EIF2AK1: variants seen among roughly 807,000 people sequenced by gnomAD.
The protein encoded by EIF2AK1 is eukaryotic translation initiation factor 2-alpha kinase 1.
In EIF2AK1, 54 loss-of-function variants were observed where a neutral mutation model predicts 77.9. The observed-to-expected ratio is 0.69, with a 90% CI of 0.56 to 0.87. The LOEUF is 0.87. Ranked by LOEUF, EIF2AK1 falls within the 40% of genes least tolerant of loss-of-function variation. The pLI, the probability that EIF2AK1 is intolerant of heterozygous loss-of-function variation, is 0.00. For missense variants in EIF2AK1, 810 were observed against 768.6 expected (o/e 1.05, Z -0.64); for synonymous variants, 314 against 290.5 (o/e 1.08, Z -0.82).
At chr7:6,043,753 T>C (rs1788364553) in intron 7 of EIF2AK1, among the ~76,000 whole-genome samples, 1 of 151,602 alleles carries the variant, frequency 6.6e-6, no homozygotes, top group Non-Finnish European at 1.5e-5. Context: ...AAAGCAGCCA[T>C]AGACAATATA....
intron 2 of EIF2AK1, among the ~76,000 whole-genome samples, chr7:6,053,150 C>T (rs765399641): frequency 3.4e-4 from 52 of 152,028 alleles, no homozygotes; most frequent in African/African-American, 3.9e-4. Flanking sequence ...GTATACCAGA[C>T]GCTTTCCAGA....
At chr7:6,049,341 A>G (rs556062557) in intron 3 of EIF2AK1, among the ~76,000 whole-genome samples, 1 of 152,320 alleles carries the variant, frequency 6.6e-6, no homozygotes, top group East Asian at 1.9e-4. Context: ...CAGGAGTTCG[A>G]GACCAGCCTG....
At chr7:6,054,516 A>G (rs1788696135) in intron 2 of EIF2AK1, 30 bp downstream of exon 2, 2 of 1,611,274 alleles carry the variant, frequency 1.2e-6, no homozygotes, top group Admixed American at 3.3e-5. Context: ...TACAAGCTTT[A>G]TTTAGCAAGA....
Position 6,059,098 on chromosome 7 carries a change from G to C in EIF2AK1, c.-15C>G. ...CCCCCCTGCATCGCCGGCCGCGCGC[G>C]GGCCGCAGCCCAGCCCGCCGGCCAG... On this transcript the variant is annotated 5_prime_UTR_variant, in exon 1 of 15. Coordinates refer to ENST00000199389, the MANE Select transcript of EIF2AK1 (RefSeq NM_014413.4). The C allele has an allele frequency of 5.1e-6, 7 of 1,368,744 alleles. No homozygotes were observed. The highest frequency in any genetic ancestry group is 6.6e-6 in the Non-Finnish European group (7 of 1,066,282). The allele number at this position is 1,368,744 out of a possible 1,614,324, so 84.8% of individuals were successfully genotyped here. A position where few individuals can be genotyped will look rare whatever the true frequency, so the allele number is the denominator to read the frequency against.
At position 6,035,128 on chromosome 7, in the gene EIF2AK1, G is replaced by C. The variant is rs1358478269; in HGVS notation, c.1332+2296C>G. Among the ~76,000 whole-genome samples, 1 of 151,988 alleles carries C rather than the reference G, an allele frequency of 6.6e-6. No homozygotes were observed. The highest frequency in any genetic ancestry group is 1.5e-5 in the Non-Finnish European group (1 of 68,026). ...CACAGCCCTAGCGGGGACGGCACAG[G>C]TAAAACAGGCTGCTCCAAGAAGCTG... On this transcript the variant is annotated intron_variant, in intron 11 of 14. Transcript: ENST00000199389. The surrounding 1 kb of genome is among the most constrained non-coding windows in gnomAD (Gnocchi z 5.5).
At chr7:6,058,567 C>T (rs1417443580) in intron 1 of EIF2AK1, among the ~76,000 whole-genome samples, 1 of 152,212 alleles carries the variant, frequency 6.6e-6, no homozygotes, top group Non-Finnish European at 1.5e-5. Flanking sequence ...CAAATTACAA[C>T]TCTTAACCCA....
chr7:6,038,535 C>T, intron 10 of EIF2AK1, 25 bp downstream of exon 10: 1 of 1,585,136 alleles, frequency 6.3e-7, no homozygotes, highest in Non-Finnish European at 8.6e-7. Context: ...TATTTCCCGG[C>T]CCGGCAGACC....
chr7:6,028,551 C>A (rs1787815281), intron 13 of EIF2AK1, 64 bp downstream of exon 13: 1 of 1,539,610 alleles, frequency 6.5e-7, no homozygotes, highest in East Asian at 2.3e-5. Flanking sequence ...TGCACCCAAC[C>A]CTGTATTGTT....
chr7:6,023,004 C>T lies in EIF2AK1; in HGVS notation c.*1669G>A, dbSNP rs769894825. ...GCTCCTGGGTTTCCAGCCCTCAGCC[C>T]CCAAAACCTTAGGCAGCAGGGATTG... On this transcript the variant is annotated 3_prime_UTR_variant, in exon 15 of 15. Coordinates refer to ENST00000199389, the MANE Select transcript of EIF2AK1 (RefSeq NM_014413.4). The T allele has an allele frequency of 2.1e-4, 64 of 300,782 alleles. No homozygotes were observed. Among genetic ancestry groups the T allele is most frequent in the Non-Finnish European group, 3.7e-4 (60 of 163,038 alleles). The allele number at this position is 300,782 out of a possible 1,614,324, so 18.6% of individuals were successfully genotyped here. A position where few individuals can be genotyped will look rare whatever the true frequency, so the allele number is the denominator to read the frequency against.
Position 6,041,139 on chromosome 7 carries a change from C to G in EIF2AK1, c.872G>C (p.Arg291Pro), listed in dbSNP as rs776764273. The part of the protein sequence containing the change: ...FAEPTPEKEK[R>P]FGESDTENQN... ...ATTTTCAGTGTCAGATTCTCCAAAG[C>G]GTTTTTCTTTTTCTGGGGTGGGCTC... Residue 291 changes from arginine (R) to proline (P), a missense_variant, in exon 9 of 15, where the codon CGC becomes CCC. Physicochemically the swap from Arg to Pro is moderately radical, Grantham distance 103. This residue lies in a region of EIF2AK1 where 549 missense variants were observed against 533.7 expected (regional missense o/e 1.03). Coordinates refer to ENST00000199389, the MANE Select transcript of EIF2AK1 (RefSeq NM_014413.4). The G allele has an allele frequency of 1.2e-6, 2 of 1,613,850 alleles. No homozygotes were observed. The highest frequency in any genetic ancestry group is 1.7e-6 in the Non-Finnish European group (2 of 1,179,996).
In EIF2AK1 at chr7:6,059,104, C is replaced by T. The variant is rs531505444; in HGVS notation, c.-21G>A. 1.2e-5 allele frequency: 16 copies of T among 1,352,578 alleles called. No individual in the cohort carries two copies. The highest frequency in any genetic ancestry group is 7.7e-5 in the African/African-American group (5 of 64,784). 83.8% of individuals were successfully genotyped at this position (1,352,578 alleles called of 1,614,324 possible). A position where few individuals can be genotyped will look rare whatever the true frequency, so the allele number is the denominator to read the frequency against. Reference sequence around the variant, plus strand: ...TGCATCGCCGGCCGCGCGCGGGCCGCAGCCCAGCCCGCCGGCCAGCCCAGC... The same window carrying T: ...TGCATCGCCGGCCGCGCGCGGGCCGTAGCCCAGCCCGCCGGCCAGCCCAGC... On this transcript the variant is annotated 5_prime_UTR_variant, in exon 1 of 15. Transcript: ENST00000199389.
intron 2 of EIF2AK1, among the ~76,000 whole-genome samples, chr7:6,052,584 T>TAA (rs56106343): frequency 0.37 from 35,703 of 96,760 alleles, 7,113 homozygotes; most frequent in Non-Finnish European, 0.44. Context: ...ACTGTTTTGG[T>TAA]AAAAAAAAAA....
intron 13 of EIF2AK1, 23 bp downstream of exon 13, chr7:6,028,592 G>C (rs771105947): frequency 6.2e-7 from 1 of 1,610,710 alleles, no homozygotes; most frequent in Non-Finnish European, 8.5e-7. Flanking sequence ...TTGAATGAAA[G>C]GGCAGAAAGC....
In EIF2AK1 at chr7:6,059,060, G is replaced by T; in HGVS notation, c.24C>A (p.Val8=). 1 of 1,484,968 alleles carries T rather than the reference G, an allele frequency of 6.7e-7. No homozygotes were observed. The highest frequency in any genetic ancestry group is 8.9e-7 in the Non-Finnish European group (1 of 1,123,478). 92.0% of individuals were successfully genotyped at this position (1,484,968 alleles called of 1,614,324 possible). The change falls in exon 1 of 15, where the codon GTC becomes GTA. Residue 8 remains valine (V), a synonymous_variant. Transcript: ENST00000199389. MQGGNSG[V]RKREEEGDGA... ...CGTCGCCCTCCTCTTCGCGCTTGCG[G>T]ACCCCGGAGTTGCCCCCCTGCATCG...
chr7:6,047,413 G>A (rs966722768), intron 4 of EIF2AK1, among the ~76,000 whole-genome samples: 5 of 152,102 alleles, frequency 3.3e-5, no homozygotes, highest in African/African-American at 4.8e-5. Flanking sequence ...GGTGGCTCAC[G>A]CCTGTAATCC....
In EIF2AK1 at chr7:6,040,884, T is replaced by A. The variant is rs1217042682; in HGVS notation, c.1119+8A>T. ...GCCAAATTAGGAGGGTCTGGGAAAG[T>A]AATCTACCTCTGTCTGACCCAAAAA... On this transcript the variant is annotated splice_region_variant and intron_variant, in intron 9 of 14. Transcript: ENST00000199389. 1 of 1,611,804 alleles carries A rather than the reference T, an allele frequency of 6.2e-7. No individual in the cohort carries two copies. Among genetic ancestry groups the A allele is most frequent in the Non-Finnish European group, 8.5e-7 (1 of 1,178,108 alleles).
At chr7:6,050,290 G>T (rs916551323) in intron 2 of EIF2AK1, among the ~76,000 whole-genome samples, 3 of 152,118 alleles carry the variant, frequency 2.0e-5, no homozygotes, top group Non-Finnish European at 4.4e-5. Context: ...CACCTCCCGG[G>T]TTCAAGTGAT....
rs140211965 is a variant in EIF2AK1 at position 6,044,236 on chromosome 7, G to A, written c.730+326C>T. On this transcript the variant is annotated intron_variant, in intron 7 of 14. Coordinates refer to ENST00000199389, the MANE Select transcript of EIF2AK1 (RefSeq NM_014413.4). ...TCTCAGCACTTTGGGAGGCCGAGGCGGGCGAATCACGAGGTCAGGAGATCG... is the reference window on the plus strand; with the variant it reads ...TCTCAGCACTTTGGGAGGCCGAGGCAGGCGAATCACGAGGTCAGGAGATCG... 5.0e-3 allele frequency among the ~76,000 whole-genome samples: 763 copies of A among 152,102 alleles called. 9 individuals carry two copies. The highest frequency in any genetic ancestry group is 0.017 in the African/African-American group (714 of 41,490).
chr7:6,031,294 T>C, intron 11 of EIF2AK1: 1 of 1,317,332 alleles, frequency 7.6e-7, no homozygotes, highest in Non-Finnish European at 1.1e-6. Flanking sequence ...GTTCTAGAAC[T>C]GAACTGAAAG....
Sources: allele counts gnomAD v4.1 joint callset (sites outside exome capture counted in the v4.1 genomes callset), GRCh38; gene constraint gnomAD v4.1.1; regional missense constraint gnomAD v4.1.1; non-coding constraint Gnocchi (gnomAD v3.1); transcripts MANE v1.5; gene names NCBI Gene and HGNC (gene_info 2026-07-23, HGNC 2026-07-21).